Variants in POLR3B observed in about 807,000 individuals in gnomAD.
POLR3B encodes the protein DNA-directed RNA polymerase III subunit RPC2.
POLR3B carries 96 observed loss-of-function variants against 147.4 expected under a neutral mutation model. The observed-to-expected ratio is 0.65, with a 90% CI of 0.55 to 0.77. POLR3B has a LOEUF of 0.77. Ranked by LOEUF, POLR3B falls within the 30% of genes least tolerant of loss-of-function variation. The pLI, the probability that POLR3B is intolerant of heterozygous loss-of-function variation, is 0.00. For missense variants in POLR3B, 1,036 were observed against 1,413.5 expected (o/e 0.73, Z 4.28); for synonymous variants, 461 against 485.9 (o/e 0.95, Z 0.67).
chr12:106,368,881 T>G (rs2036565714), intron 4 of POLR3B, among the ~76,000 whole-genome samples: 1 of 130,880 alleles, frequency 7.6e-6, no homozygotes, highest in African/African-American at 3.1e-5. Flanking sequence ...ATCCTTCTTT[T>G]GCACAAATGA....
At chr12:106,493,119 A>T (rs1422357789) in intron 23 of POLR3B, among the ~76,000 whole-genome samples, 1 of 152,188 alleles carries the variant, frequency 6.6e-6, no homozygotes, top group African/African-American at 2.4e-5. Flanking sequence ...TGAATTGGTA[A>T]TTGTTTCACA....
At chr12:106,406,737 A>G (rs773894791) in intron 11 of POLR3B, among the ~76,000 whole-genome samples, 1 of 152,222 alleles carries the variant, frequency 6.6e-6, no homozygotes, top group Non-Finnish European at 1.5e-5. Flanking sequence ...TATTAAACAG[A>G]GATCAACCAT....
chr12:106,495,577 G>A (rs1291925152), intron 23 of POLR3B, among the ~76,000 whole-genome samples: 1 of 152,194 alleles, frequency 6.6e-6, no homozygotes, highest in Non-Finnish European at 1.5e-5. Flanking sequence ...CTTGTCACTG[G>A]TTTTTCAAAC....
intron 9 of POLR3B, among the ~76,000 whole-genome samples, chr12:106,382,319 C>T (rs965906844): frequency 6.6e-6 from 1 of 152,200 alleles, no homozygotes; most frequent in African/African-American, 2.4e-5. Flanking sequence ...ATAACTTCTT[C>T]AGGCTGAATA....
intron 19 of POLR3B, among the ~76,000 whole-genome samples, chr12:106,448,485 G>A (rs2037754140): frequency 2.4e-5 from 3 of 124,324 alleles, no homozygotes; most frequent in South Asian, 5.0e-4. Context: ...CACCCAGGCT[G>A]GAGTGCAGTG....
chr12:106,369,673 C>T lies in POLR3B; in HGVS notation c.394C>T (p.Pro132Ser). Residue 132 changes from proline to serine, a missense_variant, in exon 6 of 28, where the codon CCT becomes TCT. Physicochemically the swap from Pro to Ser is moderately conservative, Grantham distance 74. Coordinates refer to ENST00000228347, the MANE Select transcript of POLR3B (RefSeq NM_018082.6). ...GSQRIIRNAL[P>S]IGRMPIMLRS... The stretch of plus-strand genomic sequence containing the variant: ...CCAGAGGATCATCCGCAATGCCTTA[C>T]CTATCGGCAGGTGAGAAATGAAATC... 1 of 1,603,132 alleles carries T rather than the reference C, an allele frequency of 6.2e-7. No homozygotes were observed. The highest frequency in any genetic ancestry group is 8.5e-7 in the Non-Finnish European group (1 of 1,170,050).
At chr12:106,398,268 G>A (rs978307534) in intron 10 of POLR3B, among the ~76,000 whole-genome samples, 30 of 152,186 alleles carry the variant, frequency 2.0e-4, no homozygotes, top group African/African-American at 5.8e-4. Context: ...ACTGCAAGGC[G>A]GCAGCGAGGC....
intron 12 of POLR3B, among the ~76,000 whole-genome samples, chr12:106,414,000 T>G (rs1206552196): frequency 2.0e-5 from 3 of 152,014 alleles, no homozygotes; most frequent in African/African-American, 7.2e-5. Flanking sequence ...TGTGGTCACT[T>G]TGATCATCTT....
rs777672573 is a variant in POLR3B, at chr12:106,369,236, G to A, written c.228-39G>A. 13 of 1,052,060 alleles carry A rather than the reference G, an allele frequency of 1.2e-5. No individual in the cohort carries two copies. In the Admixed American group the frequency reaches 1.5e-4, roughly 12 times the overall value. 65.2% of individuals were successfully genotyped at this position (1,052,060 alleles called of 1,614,324 possible). A position where few individuals can be genotyped will look rare whatever the true frequency, so the allele number is the denominator to read the frequency against. On this transcript the variant is annotated intron_variant, in intron 4 of 27. Coordinates refer to ENST00000228347, the MANE Select transcript of POLR3B (RefSeq NM_018082.6). ...TAGCTTGTTTGCTTTTATGATCTTC[G>A]AAGAAGTATAATTCATACCGCACTA...
chr12:106,498,582 G>GTTTTT (rs564316643), intron 25 of POLR3B, among the ~76,000 whole-genome samples: 7 of 147,718 alleles, frequency 4.7e-5, no homozygotes, highest in African/African-American at 7.6e-5. Flanking sequence ...TTTGGGGTTT[G>GTTTTT]TTTTTTTTGT....
chr12:106,454,505 C>G lies in POLR3B; in HGVS notation c.2087C>G (p.Thr696Ser). Residue 696 changes from threonine (T) to serine (S), a missense_variant, in exon 20 of 28, where the codon ACT (threonine) becomes AGT (serine). Physicochemically the swap from Thr to Ser is moderately conservative, Grantham distance 58. Around this residue, in one of 12 missense-constraint regions of POLR3B, gnomAD observed 202 missense variants for 272.8 expected, o/e 0.74. Coordinates refer to ENST00000228347, the MANE Select transcript of POLR3B (RefSeq NM_018082.6). ...QCAMGKQAMGTIGYNQRNRID... is the reference protein window; with the variant it reads ...QCAMGKQAMGSIGYNQRNRID... ...GTTTTCTCCCATATCAATGCAGGTACTATAGGATACAACCAGCGAAACAGA... is the reference window on the plus strand; with the variant it reads ...GTTTTCTCCCATATCAATGCAGGTAGTATAGGATACAACCAGCGAAACAGA... The G allele has an allele frequency of 1.3e-6, 2 of 1,511,244 alleles. No individual in the cohort carries two copies. Among genetic ancestry groups the G allele is most frequent in the South Asian group, 2.2e-5 (2 of 89,150 alleles). 93.6% of individuals were successfully genotyped at this position (1,511,244 alleles called of 1,614,324 possible).
At chr12:106,389,699 A>G (rs1474890455) in intron 9 of POLR3B, among the ~76,000 whole-genome samples, 1 of 151,918 alleles carries the variant, frequency 6.6e-6, no homozygotes, top group African/African-American at 2.4e-5. Context: ...TCTAATGAGT[A>G]TTTCCTCTGA....
chr12:106,391,669 CGAA>C (rs1263824636), intron 9 of POLR3B, among the ~76,000 whole-genome samples: 3 of 152,090 alleles, frequency 2.0e-5, no homozygotes, highest in African/African-American at 7.2e-5. Context: ...AAAACAAAGG[CGAA>C]GAGGTTGCAT....
At chr12:106,430,875 A>ATACAG in intron 14 of POLR3B, among the ~76,000 whole-genome samples, 2 of 152,284 alleles carry the variant, frequency 1.3e-5, no homozygotes, top group Non-Finnish European at 2.9e-5. Flanking sequence ...AATTAGGAGT[A>ATACAG]TACAGTCCAT....
intron 12 of POLR3B, among the ~76,000 whole-genome samples, chr12:106,424,305 T>C (rs1465554618): frequency 6.6e-6 from 1 of 152,212 alleles, no homozygotes. Flanking sequence ...GAGTATATCC[T>C]ATCCTGTATG....
intron 10 of POLR3B, among the ~76,000 whole-genome samples, chr12:106,402,253 G>A (rs1326854476): frequency 6.6e-6 from 1 of 151,980 alleles, no homozygotes; most frequent in African/African-American, 2.4e-5. Flanking sequence ...CAACTTACAA[G>A]GGATGTGAAG....
chr12:106,427,506 A>G (rs2037455192), intron 13 of POLR3B, 148 bp downstream of exon 13: 1 of 766,198 alleles, frequency 1.3e-6, no homozygotes. Context: ...TTTGAAAGAA[A>G]GTCTGAAGTG....
At chr12:106,396,039 G>A (rs144842813) in intron 10 of POLR3B, among the ~76,000 whole-genome samples, 7 of 152,236 alleles carry the variant, frequency 4.6e-5, no homozygotes, top group African/African-American at 1.7e-4. Flanking sequence ...TGTTGGTCAT[G>A]TATGTTTTAC....
intron 19 of POLR3B, among the ~76,000 whole-genome samples, chr12:106,445,499 A>G (rs766057319): frequency 2.6e-5 from 4 of 152,068 alleles, no homozygotes; most frequent in African/African-American, 7.2e-5. Context: ...CTAGTGTAGC[A>G]TGGTACAGAG....
Sources: allele counts gnomAD v4.1 joint callset (sites outside exome capture counted in the v4.1 genomes callset), GRCh38; gene constraint gnomAD v4.1.1; regional missense constraint gnomAD v4.1.1; transcripts MANE v1.5; gene names NCBI Gene and HGNC (gene_info 2026-07-23, HGNC 2026-07-21).